PPP2R2B: variants seen among roughly 807,000 people sequenced by gnomAD.
The protein encoded by PPP2R2B is serine/threonine-protein phosphatase 2A 55 kDa regulatory subunit B beta isoform.
In PPP2R2B, 5 loss-of-function variants were observed where a neutral mutation model predicts 46.0. That is an observed-to-expected ratio of 0.11 (90% CI 0.06 to 0.23). The LOEUF (loss-of-function observed/expected upper bound fraction) is 0.23. PPP2R2B is among the 10% of genes least tolerant of loss of function. The pLI is 1.00. For missense variants in PPP2R2B, 367 were observed against 575.0 expected, an observed-to-expected ratio of 0.64 and a Z score of 3.70; for synonymous variants, 215 against 206.7, an observed-to-expected ratio of 1.04 and a Z score of -0.34.
intron 9 of PPP2R2B, among the ~76,000 whole-genome samples, chr5:146,591,347 A>G (rs966326765): frequency 6.6e-6 from 1 of 152,092 alleles, no homozygotes; most frequent in South Asian, 2.1e-4. Context: ...CAAAGGTTAG[A>G]TTTTGTTACT....
intron 8 of PPP2R2B, among the ~76,000 whole-genome samples, chr5:146,596,327 G>A (rs73317448): frequency 6.6e-6 from 1 of 152,298 alleles, no homozygotes; most frequent in African/African-American, 2.4e-5. Flanking sequence ...TATAATAGTA[G>A]CATTACCTGT....
At chr5:146,964,014 C>T (rs894155267) in intron 1 of PPP2R2B, among the ~76,000 whole-genome samples, 2 of 152,166 alleles carry the variant, frequency 1.3e-5, no homozygotes, top group African/African-American at 4.8e-5. Flanking sequence ...TGATACTTGA[C>T]CTTCTCCAGG....
intron 2 of PPP2R2B, among the ~76,000 whole-genome samples, chr5:146,828,972 C>G (rs543515541): frequency 6.6e-6 from 1 of 152,174 alleles, no homozygotes; most frequent in African/African-American, 2.4e-5. Flanking sequence ...GACAGCCTTC[C>G]GAATCAGGAA....
intron 2 of PPP2R2B, among the ~76,000 whole-genome samples, chr5:146,710,411 A>T (rs1446903393): frequency 1.3e-5 from 2 of 152,236 alleles, no homozygotes; most frequent in African/African-American, 4.8e-5. Flanking sequence ...ACCCAAGGAC[A>T]TGTGGGTTGA....
At chr5:146,819,504 T>C (rs1482338684) in intron 2 of PPP2R2B, among the ~76,000 whole-genome samples, 1 of 152,172 alleles carries the variant, frequency 6.6e-6, no homozygotes, top group Non-Finnish European at 1.5e-5. Context: ...TGTCAACTCC[T>C]GACCTTCCTA....
intron 2 of PPP2R2B, among the ~76,000 whole-genome samples, chr5:146,820,102 T>G (rs1365761651): frequency 6.6e-6 from 1 of 152,112 alleles, no homozygotes; most frequent in Non-Finnish European, 1.5e-5. Flanking sequence ...CAAAGCCAGT[T>G]AGATGGGAGG....
At position 146,751,300 on chromosome 5, in the gene PPP2R2B, A is replaced by G. The variant is rs185267382; in HGVS notation, c.71-50158T>C. ...CACAGAACATAGCGGGGAAGAGGTCATAGAGTTCAGTGTTTCTCCAAGTGT... is the reference window on the plus strand; with the variant it reads ...CACAGAACATAGCGGGGAAGAGGTCGTAGAGTTCAGTGTTTCTCCAAGTGT... On this transcript the variant is annotated intron_variant, in intron 2 of 9. Transcript: ENST00000394411. 3 of 152,390 alleles carry G rather than the reference A, an allele frequency of 2.0e-5. No homozygotes were observed. The East Asian group carries it at 5.8e-4, about 29-fold the overall frequency. The allele number at this position is 152,390 out of a possible 1,614,324, so 9.4% of individuals were successfully genotyped here.
intron 1 of PPP2R2B, among the ~76,000 whole-genome samples, chr5:146,933,096 A>G (rs1764019706): frequency 6.6e-6 from 1 of 152,170 alleles, no homozygotes; most frequent in African/African-American, 2.4e-5. Context: ...ATTGTAACTA[A>G]TTCTGTTTGC....
chr5:146,708,769 A>G (rs956995295), intron 2 of PPP2R2B, among the ~76,000 whole-genome samples: 4 of 152,146 alleles, frequency 2.6e-5, no homozygotes, highest in Non-Finnish European at 5.9e-5. Flanking sequence ...TGTTATTACT[A>G]TTTGGGATTC....
In PPP2R2B at chr5:146,650,656, G is replaced by A. The variant is rs1203965620; in HGVS notation, c.516C>T (p.His172=). 1.2e-6 allele frequency: 2 copies of A among 1,614,082 alleles called. No homozygotes were observed. Among genetic ancestry groups the A allele is most frequent in the Admixed American group, 1.7e-5 (1 of 60,022 alleles). The change falls in exon 6 of 10, where the codon CAC becomes CAT. Residue 172 remains histidine (H), a synonymous_variant. Transcript: ENST00000394411. Reference sequence around the variant, plus strand: ...CAGATATGGAGTTGATGTGATATGTGTGTGCGTTGGCAAATACTCTTCGTG... The same window carrying A: ...CAGATATGGAGTTGATGTGATATGTATGTGCGTTGGCAAATACTCTTCGTG... The part of the protein sequence containing the change: ...ATPRRVFANA[H]TYHINSISVN...
At chr5:146,884,358 G>T (rs551345564) in intron 1 of PPP2R2B, among the ~76,000 whole-genome samples, 1 of 152,084 alleles carries the variant, frequency 6.6e-6, no homozygotes, top group African/African-American at 2.4e-5. Flanking sequence ...AATTGATGTC[G>T]TTGTCTGATC....
At chr5:146,709,931 G>T (rs566703562) in intron 2 of PPP2R2B, among the ~76,000 whole-genome samples, 33 of 152,002 alleles carry the variant, frequency 2.2e-4, no homozygotes, top group Non-Finnish European at 3.5e-4. Context: ...CTTTGCACAG[G>T]GCCAGGTTAT....
At chr5:146,748,414 T>C (rs1020146005) in intron 2 of PPP2R2B, among the ~76,000 whole-genome samples, 1 of 152,212 alleles carries the variant, frequency 6.6e-6, no homozygotes, top group African/African-American at 2.4e-5. Flanking sequence ...CTGACATTGA[T>C]ACAGTGGAGA....
intron 1 of PPP2R2B, among the ~76,000 whole-genome samples, chr5:147,005,150 C>T (rs1373274635): frequency 6.6e-6 from 1 of 152,184 alleles, no homozygotes; most frequent in Non-Finnish European, 1.5e-5. Context: ...ACCAATCAAG[C>T]ATGACTGCCA....
chr5:146,873,032 C>T (rs1047300496), intron 2 of PPP2R2B, among the ~76,000 whole-genome samples: 2 of 152,184 alleles, frequency 1.3e-5, no homozygotes, highest in Admixed American at 6.5e-5. Flanking sequence ...ACCCAGAAAT[C>T]CAATTGTCTA....
intron 5 of PPP2R2B, among the ~76,000 whole-genome samples, chr5:146,690,849 G>A (rs998710546): frequency 1.3e-5 from 2 of 152,278 alleles, no homozygotes; most frequent in African/African-American, 4.8e-5. Context: ...TTTAGATAAC[G>A]TGAACAACAG....
intron 3 of PPP2R2B, 100 bp downstream of exon 3, chr5:146,700,932 TAGTTTTCGAGCAA>T: frequency 1.1e-6 from 1 of 948,726 alleles, no homozygotes; most frequent in Non-Finnish European, 1.7e-6. Flanking sequence ...TGGCAGTTTT[TAGTTTTCGAGCAA>T]AGCAGCAAGG....
chr5:146,676,610 C>A (rs1055051224), intron 5 of PPP2R2B, among the ~76,000 whole-genome samples: 4 of 152,174 alleles, frequency 2.6e-5, no homozygotes, highest in African/African-American at 9.6e-5. Context: ...TCCCCATCAT[C>A]TGCTCTCCTG....
chr5:146,832,551 C>G (rs184932722), intron 2 of PPP2R2B, among the ~76,000 whole-genome samples: 202 of 151,850 alleles, frequency 1.3e-3, no homozygotes, highest in African/African-American at 4.7e-3. Flanking sequence ...GCCACCACAC[C>G]CAGCTAGTTT....
Sources: gnomAD v4.1 joint callset for allele counts (sites outside exome capture counted in the v4.1 genomes callset) on GRCh38, gnomAD v4.1.1 for gene constraint, MANE v1.5 for transcripts, NCBI Gene and HGNC (gene_info 2026-07-23, HGNC 2026-07-21) for gene names.